CIAO3: variants seen among roughly 807,000 people sequenced by gnomAD.
CIAO3 encodes cytosolic iron-sulfur assembly component 3.
CIAO3 carries 45 observed loss-of-function variants against 51.5 expected under a neutral mutation model. The observed-to-expected ratio is 0.87, with a 90% CI of 0.69 to 1.12. The LOEUF is 1.12. Among genes scored for constraint, CIAO3 ranks in the 50% most tolerant of loss-of-function variants. The pLI, the probability that CIAO3 is intolerant of heterozygous loss-of-function variation, is 0.00. For missense variants in CIAO3, 668 were observed against 632.5 expected (o/e 1.06, Z -0.60); for synonymous variants, 314 against 269.3 (o/e 1.17, Z -1.63).
At chr16:736,724 C>T (rs146516370) in intron 3 of CIAO3, among the ~76,000 whole-genome samples, 423 of 152,154 alleles carry the variant, frequency 2.8e-3, no homozygotes, top group Non-Finnish European at 4.4e-3. Context: ...TGTGTAATGG[C>T]GCAATCTCGG....
In CIAO3 at chr16:733,447, C is replaced by G. The variant is rs1433731738; in HGVS notation, c.694-20G>C. 2 of 1,613,348 alleles carry G rather than the reference C, an allele frequency of 1.2e-6. No individual in the cohort carries two copies. Among genetic ancestry groups the G allele is most frequent in the Non-Finnish European group, 1.7e-6 (2 of 1,179,802 alleles). On this transcript the variant is annotated intron_variant, in intron 6 of 10. Transcript: ENST00000251588. ...CAAGTGCTACAAGGAGAAACAAACACTTGTCTCCCCAATCCCAGCAGTAAG... is the reference window on the plus strand; with the variant it reads ...CAAGTGCTACAAGGAGAAACAAACAGTTGTCTCCCCAATCCCAGCAGTAAG...
chr16:740,628 G>A lies in CIAO3; in HGVS notation c.66+292C>T, dbSNP rs147582263. 3.9e-3 allele frequency: 1,944 copies of A among 496,594 alleles called. 34 individuals are homozygous for A. The highest frequency in any genetic ancestry group is 0.036 in the African/African-American group (1,760 of 48,664). The allele number at this position is 496,594 out of a possible 1,614,324, so 30.8% of individuals were successfully genotyped here. A position where few individuals can be genotyped will look rare whatever the true frequency, so the allele number is the denominator to read the frequency against. The stretch of plus-strand genomic sequence containing the variant: ...CTGCCTCCTCTGGGTTGGGCAGGCC[G>A]GCGCGAGCCCGCGACCACGGGACCC... On this transcript the variant is annotated intron_variant, in intron 1 of 10. Coordinates refer to ENST00000251588, the MANE Select transcript of CIAO3 (RefSeq NM_022493.3).
chr16:737,257 T>A lies in CIAO3; in HGVS notation c.235A>T (p.Thr79Ser), dbSNP rs755304741. The A allele has an allele frequency of 3.0e-5, 48 of 1,613,310 alleles. No individual in the cohort carries two copies. The highest frequency in any genetic ancestry group is 5.9e-6 in the Non-Finnish European group (7 of 1,180,008). The change falls in exon 3 of 11, where the codon ACC becomes TCC. Residue 79 changes from threonine to serine, a missense_variant. Coordinates refer to ENST00000251588, the MANE Select transcript of CIAO3 (RefSeq NM_022493.3). The surrounding 1 kb of genome is among the most constrained non-coding windows in gnomAD (Gnocchi z 5.3). ...NDCLACSGCI[T>S]SAETVLITQQ... Reference sequence around the variant, plus strand: ...GTGATAAGCACGGTCTCTGCGGAGGTGATGCAGCCGCTGCACGCCAGGCAG... The same window carrying A: ...GTGATAAGCACGGTCTCTGCGGAGGAGATGCAGCCGCTGCACGCCAGGCAG...
chr16:737,394 A>G lies in CIAO3; in HGVS notation c.163-65T>C. The G allele has an allele frequency of 6.2e-7, 1 of 1,602,124 alleles. No individual in the cohort carries two copies. The highest frequency in any genetic ancestry group is 8.5e-7 in the Non-Finnish European group (1 of 1,172,700). On this transcript the variant is annotated intron_variant, in intron 2 of 10. Transcript: ENST00000251588. This position sits in a 1 kb window ranked among gnomAD's most constrained non-coding sequence, Gnocchi z 5.3. ...GCACGAGGACATGGAGACAGAGGAT[A>G]GTGGAGTCCAGCTCATAACCGACAA...
In CIAO3 at chr16:740,000, C is replaced by G. The variant is rs112046668; in HGVS notation, c.67-262G>C. ...ACAGCGCCTGCAAACTACCCACCTG[C>G]GGAGACACCACCAACACTGACCTTC... On this transcript the variant is annotated intron_variant, in intron 1 of 10. Transcript: ENST00000251588. The G allele has an allele frequency of 4.6e-5, 68 of 1,467,364 alleles. 6 individuals carry two copies. In the African/African-American group the frequency reaches 4.9e-4, roughly 11 times the overall value. 90.9% of individuals were successfully genotyped at this position (1,467,364 alleles called of 1,614,324 possible). A position where few individuals can be genotyped will look rare whatever the true frequency, so the allele number is the denominator to read the frequency against.
chr16:740,513 A>C, intron 1 of CIAO3: 2 of 300,318 alleles, frequency 6.7e-6, no homozygotes, highest in African/African-American at 2.2e-5. Flanking sequence ...GCGCAGGGGA[A>C]GGGGAAGAGG....
In CIAO3 at chr16:730,123, G is replaced by C; in HGVS notation, c.*294C>G. The C allele has an allele frequency of 1.9e-6, 1 of 522,514 alleles. No individual in the cohort carries two copies. The highest frequency in any genetic ancestry group is 3.4e-6 in the Non-Finnish European group (1 of 291,254). The allele number at this position is 522,514 out of a possible 1,614,324, so 32.4% of individuals were successfully genotyped here. A position where few individuals can be genotyped will look rare whatever the true frequency, so the allele number is the denominator to read the frequency against. ...TTGGGTGCCCGACCAGCAGCAGCAAGGGCAGCACCTGTGGGCCTCGGCCCA... is the reference window on the plus strand; with the variant it reads ...TTGGGTGCCCGACCAGCAGCAGCAACGGCAGCACCTGTGGGCCTCGGCCCA... On this transcript the variant is annotated 3_prime_UTR_variant, in exon 11 of 11. Coordinates refer to ENST00000251588, the MANE Select transcript of CIAO3 (RefSeq NM_022493.3).
In CIAO3 at chr16:739,742, G is replaced by A; in HGVS notation, c.67-4C>T. 1 of 1,613,396 alleles carries A rather than the reference G, an allele frequency of 6.2e-7. No individual in the cohort carries two copies. Among genetic ancestry groups the A allele is most frequent in the East Asian group, 2.2e-5 (1 of 44,862 alleles). On this transcript the variant is annotated splice_region_variant and splice_polypyrimidine_tract_variant and intron_variant, in intron 1 of 10. Transcript: ENST00000251588. ...CTTTGACAGGCTTGATGCACTCCTA[G>A]AGCAGGAAGAGACCCCAAATCAGCC... is the stretch of plus-strand genomic sequence containing the variant.
rs2041370032 is a variant in CIAO3 at position 739,418 on chromosome 16, C to T, written c.162+225G>A. 3 of 581,570 alleles carry T rather than the reference C, an allele frequency of 5.2e-6. No individual in the cohort carries two copies. The East Asian group carries it at 8.7e-5, about 17-fold the overall frequency. The allele number at this position is 581,570 out of a possible 1,614,324, so 36.0% of individuals were successfully genotyped here. A position where few individuals can be genotyped will look rare whatever the true frequency, so the allele number is the denominator to read the frequency against. On this transcript the variant is annotated intron_variant, in intron 2 of 10. Coordinates refer to ENST00000251588, the MANE Select transcript of CIAO3 (RefSeq NM_022493.3). ...GGATCCACCATCTCTGCAAATAGCC[C>T]CTCTGCTGAGCAGATCAAGCTGTTT...
chr16:734,693 T>C, intron 5 of CIAO3, 44 bp downstream of exon 5: 1 of 1,612,740 alleles, frequency 6.2e-7, no homozygotes, highest in Middle Eastern at 1.7e-4. Flanking sequence ...ACGTTTCAAC[T>C]GCACTTGAAC....
At chr16:736,442 G>A in intron 3 of CIAO3, 44 bp from the exon 4 acceptor site, 2 of 1,609,068 alleles carry the variant, frequency 1.2e-6, no homozygotes, top group Non-Finnish European at 1.7e-6. Flanking sequence ...CTGGCCTTAT[G>A]CTGATTCCTG....
chr16:734,358 A>G lies in CIAO3; in HGVS notation c.575-11T>C, dbSNP rs1596672349. The stretch of plus-strand genomic sequence containing the variant: ...CATAGCAGATCCAGCCTGAGGTGAC[A>G]GGGGGCACACGGGGCTGGCGGGGGC... On this transcript the variant is annotated splice_polypyrimidine_tract_variant and intron_variant, in intron 5 of 10. Transcript: ENST00000251588. The G allele has an allele frequency of 6.3e-7, 1 of 1,598,620 alleles. No homozygotes were observed. The highest frequency in any genetic ancestry group is 8.5e-7 in the Non-Finnish European group (1 of 1,172,176).
chr16:733,186 A>T, intron 7 of CIAO3, 112 bp downstream of exon 7: 1 of 1,397,198 alleles, frequency 7.2e-7, no homozygotes, highest in Non-Finnish European at 9.7e-7. Flanking sequence ...GAGCCCCCAC[A>T]CTCCAGCCAG....
intron 1 of CIAO3, chr16:740,640 C>T: frequency 2.0e-6 from 1 of 503,668 alleles, no homozygotes; most frequent in Non-Finnish European, 3.5e-6. Context: ...CGCGAGCCCG[C>T]GACCACGGGA....
Position 739,680 on chromosome 16 carries a change from CGAA to C in CIAO3, c.122_124del (p.Ile41_Arg42delinsSer). On this transcript the variant is annotated inframe_deletion, in exon 2 of 11. Transcript: ENST00000251588. ...GAAGTAGCTCCCGTCATCTTCAATG[CGAA>C]TCTTGGCCACGCCACTTCCCGCCCT... 1 of 1,614,136 alleles carries C rather than the reference CGAA, an allele frequency of 6.2e-7. No homozygotes were observed. Among genetic ancestry groups the C allele is most frequent in the Non-Finnish European group, 8.5e-7 (1 of 1,180,032 alleles).
rs1317400235 is a variant in CIAO3, at chr16:731,973, A to G, written c.897-271T>C. 3 of 530,838 alleles carry G rather than the reference A, an allele frequency of 5.7e-6. No individual in the cohort carries two copies. The African/African-American group carries it at 5.7e-5, about 10-fold the overall frequency. The allele number at this position is 530,838 out of a possible 1,614,324, so 32.9% of individuals were successfully genotyped here. Reference sequence around the variant, plus strand: ...AAGCTCCGCCTCCTGGGTTCAAGCAATTCTCATGCCTCAACCTCCCAAGTA... The same window carrying G: ...AAGCTCCGCCTCCTGGGTTCAAGCAGTTCTCATGCCTCAACCTCCCAAGTA... On this transcript the variant is annotated intron_variant, in intron 8 of 10. Coordinates refer to ENST00000251588, the MANE Select transcript of CIAO3 (RefSeq NM_022493.3).
At chr16:735,083 G>A (rs1401436827) in intron 4 of CIAO3, 3 of 579,872 alleles carry the variant, frequency 5.2e-6, no homozygotes, top group South Asian at 3.1e-5. Flanking sequence ...ACGTTGCCTC[G>A]GCATCCCCTG....
At position 730,148 on chromosome 16, in the gene CIAO3, A is replaced by G. The variant is rs1411285142; in HGVS notation, c.*269T>C. 1.8e-5 allele frequency: 10 copies of G among 556,578 alleles called. No individual in the cohort carries two copies. The highest frequency in any genetic ancestry group is 3.2e-5 in the Non-Finnish European group (10 of 311,026). The allele number at this position is 556,578 out of a possible 1,614,324, so 34.5% of individuals were successfully genotyped here. A position where few individuals can be genotyped will look rare whatever the true frequency, so the allele number is the denominator to read the frequency against. On this transcript the variant is annotated 3_prime_UTR_variant, in exon 11 of 11. Coordinates refer to ENST00000251588, the MANE Select transcript of CIAO3 (RefSeq NM_022493.3). ...GGGCAGCACCTGTGGGCCTCGGCCCAGGGCCAACGGAACAGGCTCTGGGAC... is the reference window on the plus strand; with the variant it reads ...GGGCAGCACCTGTGGGCCTCGGCCCGGGGCCAACGGAACAGGCTCTGGGAC...
intron 5 of CIAO3, 172 bp downstream of exon 5, chr16:734,565 G>A (rs758618674): frequency 6.4e-6 from 8 of 1,241,538 alleles, no homozygotes; most frequent in Admixed American, 1.7e-5. Flanking sequence ...TCCCACGGGA[G>A]GGCAGCCTCT....
Sources: gnomAD v4.1 joint callset for allele counts (sites outside exome capture counted in the v4.1 genomes callset) on GRCh38, gnomAD v4.1.1 for gene constraint, Gnocchi (gnomAD v3.1) non-coding constraint, MANE v1.5 for transcripts, NCBI Gene and HGNC (gene_info 2026-07-23, HGNC 2026-07-21) for gene names.